The following FLT1 variants were observed in gnomAD, a reference collection of about 807,000 sequenced individuals.
FLT1 encodes the protein fms related receptor tyrosine kinase 1, also known as vascular endothelial growth factor receptor 1.
In FLT1, 49 loss-of-function variants were observed where a neutral mutation model predicts 156.3. The ratio of observed to expected loss-of-function variants is 0.31; its 90% CI spans 0.25 to 0.40. FLT1 has a LOEUF of 0.40. Among genes scored for constraint, FLT1 ranks in the 10% least tolerant of loss-of-function variants. The pLI is 1.00. For missense variants in FLT1, 1,322 were observed against 1,637.2 expected (o/e 0.81, Z 3.32); for synonymous variants, 594 against 583.8 (o/e 1.02, Z -0.25).
intron 26 of FLT1, 63 bp downstream of exon 26, chr13:28,311,929 AC>A: frequency 8.1e-7 from 1 of 1,241,416 alleles, no homozygotes; most frequent in Non-Finnish European, 1.2e-6. Context: ...TAAAAAAAAA[AC>A]AAATAAAATG....
chr13:28,460,287 A>G lies in FLT1; in HGVS notation c.388+6616T>C, dbSNP rs1432984202. Among the ~76,000 whole-genome samples the G allele has an allele frequency of 2.0e-5, 3 of 152,362 alleles. No individual in the cohort carries two copies. The East Asian group carries it at 5.8e-4, about 29-fold the overall frequency. ...TCACTCCTTAGAGACCCACTTCTGA[A>G]CAATAGTTATTCTCTAAAAAATAAA... On this transcript the variant is annotated intron_variant, in intron 3 of 29. Transcript: ENST00000282397.
chr13:28,414,722 GTCTTT>G (rs1242618923), intron 10 of FLT1, among the ~76,000 whole-genome samples: 1 of 152,188 alleles, frequency 6.6e-6, no homozygotes, highest in Non-Finnish European at 1.5e-5. Flanking sequence ...AGCAACACTT[GTCTTT>G]TGCTCAGTTA....
At chr13:28,307,339 C>T (rs1870791604) in intron 28 of FLT1, among the ~76,000 whole-genome samples, 2 of 152,124 alleles carry the variant, frequency 1.3e-5, no homozygotes, top group Admixed American at 1.3e-4. Context: ...AAGTGGATCC[C>T]ACGCTTTGTT....
chr13:28,482,172 C>T (rs1880890924), intron 1 of FLT1, among the ~76,000 whole-genome samples: 3 of 152,230 alleles, frequency 2.0e-5, no homozygotes, highest in South Asian at 2.1e-4. Context: ...ATACAGACCT[C>T]GCCGGGTGTG....
At chr13:28,314,324 G>A (rs116851938) in intron 25 of FLT1, among the ~76,000 whole-genome samples, 3,615 of 152,036 alleles carry the variant, frequency 0.024, 77 homozygotes, top group South Asian at 0.044. Flanking sequence ...TTTGACTCTT[G>A]GATTCCGATT....
At chr13:28,410,214 C>A (rs1876073563) in intron 10 of FLT1, among the ~76,000 whole-genome samples, 8 of 152,240 alleles carry the variant, frequency 5.3e-5, no homozygotes, top group Admixed American at 5.2e-4. Context: ...CCTCCCCCTA[C>A]TTAAAGCTCA....
intron 11 of FLT1, among the ~76,000 whole-genome samples, chr13:28,401,117 T>C (rs1875406881): frequency 6.6e-6 from 1 of 152,080 alleles, no homozygotes; most frequent in Non-Finnish European, 1.5e-5. Context: ...TCCCAGCTAC[T>C]TGGGAGGTTG....
chr13:28,309,665 C>T (rs1024470194), intron 27 of FLT1, among the ~76,000 whole-genome samples: 2 of 149,752 alleles, frequency 1.3e-5, no homozygotes, highest in Admixed American at 6.7e-5. Flanking sequence ...CCACCCACCC[C>T]CCCTCCCTCT....
chr13:28,321,315 G>C, intron 23 of FLT1, 148 bp downstream of exon 23: 1 of 970,228 alleles, frequency 1.0e-6, no homozygotes. Context: ...GGGCTCTCTG[G>C]GATGCCGCTC....
chr13:28,347,962 T>C (rs1388961682), intron 15 of FLT1, among the ~76,000 whole-genome samples: 2 of 152,206 alleles, frequency 1.3e-5, no homozygotes, highest in Non-Finnish European at 2.9e-5. Context: ...TCCAAGAGTA[T>C]GCCACTTCCT....
chr13:28,368,776 C>A, intron 14 of FLT1: 1 of 604,544 alleles, frequency 1.7e-6, no homozygotes, highest in Non-Finnish European at 2.9e-6. Context: ...GCAATCTCTG[C>A]GCACTGCAAT....
At chr13:28,368,499 T>C in intron 14 of FLT1, 2 of 1,533,674 alleles carry the variant, frequency 1.3e-6, no homozygotes. Context: ...AAGGATAAGT[T>C]CTTTGAAGTT....
At chr13:28,470,379 C>A (rs549477934) in intron 1 of FLT1, among the ~76,000 whole-genome samples, 1 of 152,262 alleles carries the variant, frequency 6.6e-6, no homozygotes, top group South Asian at 2.1e-4. Flanking sequence ...TTCTTTATGG[C>A]ATGGAACTCT....
intron 16 of FLT1, among the ~76,000 whole-genome samples, chr13:28,344,219 C>T (rs904326335): frequency 2.0e-5 from 3 of 152,074 alleles, no homozygotes; most frequent in Non-Finnish European, 4.4e-5. Flanking sequence ...GCTTTCCCTT[C>T]CCATTTCTTG....
intron 1 of FLT1, among the ~76,000 whole-genome samples, chr13:28,475,505 T>G (rs1880493154): frequency 6.6e-6 from 1 of 152,168 alleles, no homozygotes; most frequent in Non-Finnish European, 1.5e-5. Context: ...TAATTAAGCA[T>G]AATTCACAAT....
chr13:28,461,597 A>G (rs534919065), intron 3 of FLT1, among the ~76,000 whole-genome samples: 66 of 152,300 alleles, frequency 4.3e-4, no homozygotes, highest in African/African-American at 1.5e-3. Context: ...CTGGGCGACA[A>G]AGCAAGACTA....
chr13:28,369,928 A>C (rs890366401), intron 14 of FLT1, among the ~76,000 whole-genome samples: 1 of 152,124 alleles, frequency 6.6e-6, no homozygotes, highest in Non-Finnish European at 1.5e-5. Context: ...GGCCGGGTGC[A>C]GTGGCTCATG....
chr13:28,353,890 T>C (rs543305615), intron 15 of FLT1, among the ~76,000 whole-genome samples: 60 of 152,338 alleles, frequency 3.9e-4, no homozygotes, highest in Middle Eastern at 3.4e-3. Context: ...AAATAACACA[T>C]TGTTTTATCT....
chr13:28,364,631 T>G (rs1056319522), intron 14 of FLT1, among the ~76,000 whole-genome samples: 6 of 152,144 alleles, frequency 3.9e-5, no homozygotes, highest in Non-Finnish European at 5.9e-5. Context: ...AGGACCTAAT[T>G]TTTACCATAT....
Sources: allele counts gnomAD v4.1 joint callset (sites outside exome capture counted in the v4.1 genomes callset), GRCh38; gene constraint gnomAD v4.1.1; transcripts MANE v1.5; gene names NCBI Gene and HGNC (gene_info 2026-07-23, HGNC 2026-07-21).